ABCC3: variants seen among roughly 807,000 people sequenced by gnomAD.
ABCC3 encodes the protein ATP-binding cassette sub-family C member 3.
ABCC3 carries 121 observed loss-of-function variants against 165.3 expected under a neutral mutation model. The ratio of observed to expected loss-of-function variants is 0.73; its 90% confidence interval spans 0.63 to 0.85. The LOEUF (loss-of-function observed/expected upper bound fraction) is 0.85. ABCC3 is among the 40% of genes least tolerant of loss of function. ABCC3 has a pLI of 0.00. For synonymous variants in ABCC3, 733 were observed against 810.1 expected (o/e 0.90, Z 1.62); for missense variants, 1,869 against 1,964.1 (o/e 0.95, Z 0.92).
intron 1 of ABCC3, among the ~76,000 whole-genome samples, chr17:50,645,219 A>G (rs967838720): frequency 6.0e-5 from 9 of 150,450 alleles, no homozygotes; most frequent in African/African-American, 2.2e-4. Context: ...AAAAAAAAGA[A>G]AGAAATTAAC....
At chr17:50,635,171 C>CA in intron 1 of ABCC3, 190 bp downstream of exon 1, 1 of 595,550 alleles carries the variant, frequency 1.7e-6, no homozygotes, top group Non-Finnish European at 2.7e-6. Context: ...CCGGGTCCCA[C>CA]GCGGTGTCGG....
At chr17:50,678,315 T>G in intron 25 of ABCC3, 96 bp downstream of exon 25, 8 of 1,330,666 alleles carry the variant, frequency 6.0e-6, no homozygotes, top group East Asian at 5.1e-5. Flanking sequence ...CTGCTCAGTA[T>G]GGGCACCAGC....
chr17:50,691,149 T>G lies in ABCC3; in HGVS notation c.4533T>G (p.Ile1511Met). Residue 1511 changes from isoleucine to methionine, a missense_variant, in exon 31 of 31, where the codon ATT (isoleucine) becomes ATG (methionine). Ile to Met is a conservative substitution (Grantham distance 10). Transcript: ENST00000285238. ...AATTTGATTCTCCAGCCAACCTCATTGCAGCTAGAGGCATCTTCTACGGGA... is the reference window on the plus strand; with the variant it reads ...AATTTGATTCTCCAGCCAACCTCATGGCAGCTAGAGGCATCTTCTACGGGA... ...VAEFDSPANL[I>M]AARGIFYGMA... 1 of 1,614,198 alleles carries G rather than the reference T, an allele frequency of 6.2e-7. No homozygotes were observed. The highest frequency in any genetic ancestry group is 8.5e-7 in the Non-Finnish European group (1 of 1,180,024).
intron 10 of ABCC3, chr17:50,664,837 C>A: frequency 3.3e-6 from 1 of 305,962 alleles, no homozygotes; most frequent in Non-Finnish European, 6.2e-6. Context: ...ATCCTTCCTG[C>A]AGAAGCCAGG....
intron 19 of ABCC3, 98 bp from the exon 20 acceptor site, chr17:50,675,264 C>G: frequency 1.4e-6 from 1 of 735,856 alleles, no homozygotes; most frequent in South Asian, 2.3e-5. Context: ...TCATGCTTGT[C>G]CATTGAACCC....
chr17:50,639,848 CCA>C (rs1282815531), intron 1 of ABCC3, among the ~76,000 whole-genome samples: 2 of 152,030 alleles, frequency 1.3e-5, no homozygotes, highest in Middle Eastern at 3.4e-3. Context: ...ACTGCAACCT[CCA>C]CCTCCCAGGT....
chr17:50,678,361 A>T (rs933132782), intron 25 of ABCC3, 142 bp downstream of exon 25: 106 of 919,504 alleles, frequency 1.2e-4, no homozygotes, highest in Middle Eastern at 1.1e-3. Context: ...GAGAAAAAAA[A>T]AAAAAGAAAA....
chr17:50,689,896 T>A (rs924913068), intron 30 of ABCC3, among the ~76,000 whole-genome samples: 5 of 152,156 alleles, frequency 3.3e-5, no homozygotes, highest in Admixed American at 3.3e-4. Context: ...CCTTGGAGGT[T>A]GGGAGTTCAT....
At chr17:50,636,971 G>T (rs2054186409) in intron 1 of ABCC3, among the ~76,000 whole-genome samples, 1 of 152,206 alleles carries the variant, frequency 6.6e-6, no homozygotes, top group South Asian at 2.1e-4. Context: ...CCCCGGGGCT[G>T]TGGTTACAGG....
chr17:50,637,567 G>C (rs1372086456), intron 1 of ABCC3, among the ~76,000 whole-genome samples: 2 of 152,232 alleles, frequency 1.3e-5, no homozygotes, highest in Non-Finnish European at 2.9e-5. Context: ...AATGCAAGGA[G>C]GGGGTGGGGT....
At chr17:50,655,243 T>C (rs1313730589) in intron 1 of ABCC3, among the ~76,000 whole-genome samples, 2 of 142,806 alleles carry the variant, frequency 1.4e-5, no homozygotes, top group Non-Finnish European at 3.1e-5. Flanking sequence ...CCGTCTCTAC[T>C]AAAAATACAA....
At chr17:50,687,196 A>G (rs918120032) in intron 29 of ABCC3, 3 of 286,136 alleles carry the variant, frequency 1.0e-5, no homozygotes, top group African/African-American at 2.1e-5. Context: ...TGTTCTTACT[A>G]AGGTGTAAAT....
rs1968133003 is a variant in ABCC3, at chr17:50,692,020, C to G, written c.*820C>G. 1.3e-5 allele frequency: 2 copies of G among 152,226 alleles called. No individual in the cohort carries two copies. Among genetic ancestry groups the G allele is most frequent in the Admixed American group, 1.3e-4 (2 of 15,284 alleles). The allele number at this position is 152,226 out of a possible 1,614,324, so 9.4% of individuals were successfully genotyped here. A position where few individuals can be genotyped will look rare whatever the true frequency, so the allele number is the denominator to read the frequency against. ...CCCTCTATGCCTGTTTCTCTAGGGA[C>G]TGAGAAGTGCATGATGCTTTTACTT... On this transcript the variant is annotated 3_prime_UTR_variant, in exon 31 of 31. Transcript: ENST00000285238.
rs1967372701 is a variant in ABCC3, at chr17:50,661,086, C to G, written c.970C>G (p.Leu324Val). The G allele has an allele frequency of 6.2e-7, 1 of 1,613,746 alleles. No homozygotes were observed. The highest frequency in any genetic ancestry group is 1.3e-5 in the African/African-American group (1 of 74,940). The part of the protein sequence containing the change: ...SACFKLIQDL[L>V]SFINPQLLSI... ...CTGCTTCAAGCTTATCCAGGACCTG[C>G]TCTCCTTCATCAATCCACAGCTGCT... Residue 324 changes from leucine (L) to valine (V), a missense_variant, in exon 8 of 31, where the codon CTC (leucine) becomes GTC (valine). By Grantham distance (32) the Leu-to-Val change is conservative. Coordinates refer to ENST00000285238, the MANE Select transcript of ABCC3 (RefSeq NM_003786.4).
chr17:50,644,930 A>C (rs894210479), intron 1 of ABCC3, among the ~76,000 whole-genome samples: 9 of 152,104 alleles, frequency 5.9e-5, no homozygotes, highest in Admixed American at 3.9e-4. Flanking sequence ...AGGCAGGAGA[A>C]TGGCGTGAAC....
At chr17:50,650,560 A>G (rs148376094) in intron 1 of ABCC3, among the ~76,000 whole-genome samples, 152 of 152,196 alleles carry the variant, frequency 1.0e-3, no homozygotes, top group African/African-American at 3.5e-3. Flanking sequence ...TCCTCTTCTC[A>G]TTTTCGAAAA....
Position 50,677,279 on chromosome 17 carries a change from C to T in ABCC3, c.3379-465C>T, listed in dbSNP as rs561715895. ...ATATCTAAACATACGTGTATGCATG[C>T]GTTTAACATAGATGAGTTGATAACC... On this transcript the variant is annotated intron_variant, in intron 23 of 30. Transcript: ENST00000285238. Among the ~76,000 whole-genome samples the T allele has an allele frequency of 3.1e-4, 47 of 152,320 alleles. No individual in the cohort carries two copies. In the Middle Eastern group the frequency reaches 0.01, roughly 33 times the overall value.
chr17:50,674,093 A>T (rs567522037), intron 19 of ABCC3: 1 of 134,536 alleles, frequency 7.4e-6, no homozygotes, highest in South Asian at 2.4e-4. Flanking sequence ...TTTGAGGCAG[A>T]GTCTGGCTCT....
intron 1 of ABCC3, among the ~76,000 whole-genome samples, chr17:50,647,608 G>A (rs1334787976): frequency 6.6e-6 from 1 of 152,236 alleles, no homozygotes; most frequent in Admixed American, 6.5e-5. Flanking sequence ...AGGGTGAACT[G>A]GAAGGAAGAT....
Sources: gnomAD v4.1 joint callset for allele counts (sites outside exome capture counted in the v4.1 genomes callset) on GRCh38, gnomAD v4.1.1 for gene constraint, MANE v1.5 for transcripts, NCBI Gene and HGNC (gene_info 2026-07-23, HGNC 2026-07-21) for gene names.